PDZRN3: variants seen among roughly 807,000 people sequenced by gnomAD.
PDZRN3 encodes E3 ubiquitin-protein ligase PDZRN3.
Under a neutral mutation model 85.7 loss-of-function variants are expected in PDZRN3, and 38 were observed. That is an observed-to-expected ratio of 0.44 (90% CI 0.34 to 0.58). The LOEUF (loss-of-function observed/expected upper bound fraction) is 0.58, where lower values mean the gene tolerates loss of function less well. Ranked by LOEUF, PDZRN3 falls within the 20% of genes least tolerant of loss-of-function variation. The probability of loss-of-function intolerance (pLI) is 0.01; values close to 1 mark genes in which losing one functional copy is unlikely to be tolerated. For missense variants in PDZRN3, 1,629 were observed against 1,506.4 expected (o/e 1.08, Z -1.35); for synonymous variants, 759 against 638.0 (o/e 1.19, Z -2.86).
chr3:73,404,701 C>A (rs1376177081), intron 3 of PDZRN3: 9 of 332,520 alleles, frequency 2.7e-5, no homozygotes, highest in Non-Finnish European at 4.9e-5. Context: ...AAAAGGCCAG[C>A]CTCAGGCTCC....
intron 5 of PDZRN3, among the ~76,000 whole-genome samples, chr3:73,394,166 G>A (rs1019638107): frequency 1.3e-5 from 2 of 151,984 alleles, no homozygotes; most frequent in Non-Finnish European, 2.9e-5. Context: ...AACCACTTAC[G>A]CTTCCTTCCT....
At chr3:73,573,315 A>G (rs1327728855) in intron 3 of PDZRN3, among the ~76,000 whole-genome samples, 3 of 152,226 alleles carry the variant, frequency 2.0e-5, no homozygotes, top group African/African-American at 4.8e-5. Flanking sequence ...ACAATCTGCA[A>G]TGTGGCATCT....
At chr3:73,586,317 T>C (rs181682853) in intron 3 of PDZRN3, among the ~76,000 whole-genome samples, 29 of 152,324 alleles carry the variant, frequency 1.9e-4, no homozygotes, top group African/African-American at 6.5e-4. Flanking sequence ...GGAGGTGTTG[T>C]CGAAGTATCA....
rs141774740 is a variant in PDZRN3, at chr3:73,383,941, C to T, written c.2625G>A (p.Ala875=). The change falls in exon 10 of 10, where the codon GCG becomes GCA. Residue 875 remains alanine, a synonymous_variant. Coordinates refer to ENST00000263666, the MANE Select transcript of PDZRN3 (RefSeq NM_015009.3). The part of the protein sequence containing the change: ...HSPYKHAHIP[A]HAQHYQSYMQ... Reference sequence around the variant, plus strand: ...TGTAGCTCTGGTAGTGCTGGGCGTGCGCCGGGATGTGCGCGTGCTTGTATG... The same window carrying T: ...TGTAGCTCTGGTAGTGCTGGGCGTGTGCCGGGATGTGCGCGTGCTTGTATG... 3 of 1,604,864 alleles carry T rather than the reference C, an allele frequency of 1.9e-6. No individual in the cohort carries two copies. Among genetic ancestry groups the T allele is most frequent in the East Asian group, 4.5e-5 (2 of 44,740 alleles).
At chr3:73,517,621 T>C (rs552968486) in intron 3 of PDZRN3, among the ~76,000 whole-genome samples, 22 of 152,338 alleles carry the variant, frequency 1.4e-4, no homozygotes, top group African/African-American at 5.1e-4. Flanking sequence ...GTAGAATCTA[T>C]AGCAATGGCA....
chr3:73,506,899 A>G (rs1470309996), intron 3 of PDZRN3, among the ~76,000 whole-genome samples: 2 of 151,430 alleles, frequency 1.3e-5, no homozygotes, highest in Non-Finnish European at 3.0e-5. Context: ...ATGTCTCAAA[A>G]AAAAAAAAAA....
intron 3 of PDZRN3, among the ~76,000 whole-genome samples, chr3:73,575,195 C>T (rs1399663618): frequency 6.6e-6 from 1 of 152,134 alleles, no homozygotes; most frequent in Non-Finnish European, 1.5e-5. Context: ...TATAATTACA[C>T]AGGTACTTCT....
chr3:73,414,972 G>T (rs564373608), intron 3 of PDZRN3, among the ~76,000 whole-genome samples: 2 of 152,178 alleles, frequency 1.3e-5, no homozygotes, highest in South Asian at 4.1e-4. Flanking sequence ...TATTTTCTAC[G>T]TACCATGCAG....
intron 3 of PDZRN3, among the ~76,000 whole-genome samples, chr3:73,570,818 T>C (rs985202766): frequency 5.3e-5 from 8 of 152,188 alleles, no homozygotes; most frequent in Non-Finnish European, 1.0e-4. Context: ...CCCCAGACTC[T>C]GTAACCCCTC....
rs111886378 is a variant in PDZRN3 at position 73,546,874 on chromosome 3, C to T, written c.918+55480G>A. ...GTGAGCGGATGATTTTTTATTACAC[C>T]GTATGCATCCACATGAAGAAATAAA... On this transcript the variant is annotated intron_variant, in intron 3 of 9. Transcript: ENST00000263666. 6.2e-3 allele frequency among the ~76,000 whole-genome samples: 936 copies of T among 152,188 alleles called. 6 individuals are homozygous for T. The highest frequency in any genetic ancestry group is 0.022 in the African/African-American group (909 of 41,524).
intron 3 of PDZRN3, among the ~76,000 whole-genome samples, chr3:73,594,411 T>C (rs1189513515): frequency 6.6e-6 from 1 of 152,212 alleles, no homozygotes; most frequent in African/African-American, 2.4e-5. Flanking sequence ...TCTCGTATCC[T>C]GTACAAAAAT....
intron 8 of PDZRN3, 101 bp from the exon 9 acceptor site, chr3:73,385,886 G>A: frequency 4.1e-6 from 3 of 737,228 alleles, no homozygotes; most frequent in Admixed American, 2.0e-5. Flanking sequence ...TATTTCTAGG[G>A]CTTCCTCCAA....
chr3:73,575,677 T>C (rs1264198291), intron 3 of PDZRN3, among the ~76,000 whole-genome samples: 4 of 152,208 alleles, frequency 2.6e-5, no homozygotes, highest in South Asian at 2.1e-4. Context: ...CATTGTGTTG[T>C]AGAGACGACA....
intron 5 of PDZRN3, among the ~76,000 whole-genome samples, chr3:73,398,263 G>T (rs889241950): frequency 6.6e-6 from 1 of 152,124 alleles, no homozygotes; most frequent in Admixed American, 6.5e-5. Flanking sequence ...GGACAGTGTG[G>T]ACAATATTCG....
chr3:73,529,279 G>A (rs1336554916), intron 3 of PDZRN3, among the ~76,000 whole-genome samples: 5 of 152,226 alleles, frequency 3.3e-5, no homozygotes, highest in Non-Finnish European at 5.9e-5. Context: ...CCGTGCAAGT[G>A]TTTGGTGCCG....
intron 3 of PDZRN3, among the ~76,000 whole-genome samples, chr3:73,520,153 G>A (rs1704329502): frequency 6.6e-6 from 1 of 152,106 alleles, no homozygotes; most frequent in African/African-American, 2.4e-5. Flanking sequence ...GTAACAGAGA[G>A]CTATATCAAA....
intron 3 of PDZRN3, among the ~76,000 whole-genome samples, chr3:73,489,575 C>CTTTTTTTTTTTCTTTTTTTTTTTT (rs1703731286): frequency 1.2e-5 from 1 of 80,096 alleles, no homozygotes; most frequent in African/African-American, 4.8e-5. Flanking sequence ...AGTTTCTTTT[C>CTTTTTTTTTTTCTTTTTTTTTTTT]TTTTTTTTTT....
intron 3 of PDZRN3, among the ~76,000 whole-genome samples, chr3:73,458,863 A>G (rs1427955265): frequency 6.6e-6 from 1 of 151,760 alleles, no homozygotes; most frequent in Non-Finnish European, 1.5e-5. Context: ...GTAGTGGCAC[A>G]CGCCTGTAGC....
chr3:73,526,741 G>A (rs545544436), intron 3 of PDZRN3, among the ~76,000 whole-genome samples: 2 of 152,292 alleles, frequency 1.3e-5, no homozygotes, highest in South Asian at 4.1e-4. Context: ...AGGCTGGAGT[G>A]CAGTGGGGTG....
Sources: allele counts gnomAD v4.1 joint callset (sites outside exome capture counted in the v4.1 genomes callset), GRCh38; gene constraint gnomAD v4.1.1; transcripts MANE v1.5; gene names NCBI Gene and HGNC (gene_info 2026-07-23, HGNC 2026-07-21).